Variants in SHB observed in about 807,000 individuals in gnomAD.
SHB encodes the protein SH2 domain-containing adapter protein B.
In SHB, 20 loss-of-function variants were observed where a neutral mutation model predicts 52.3. The ratio of observed to expected loss-of-function variants is 0.38; its 90% CI spans 0.27 to 0.56. The LOEUF (loss-of-function observed/expected upper bound fraction) is 0.56, where lower values mean the gene tolerates loss of function less well. Ranked by LOEUF, SHB falls within the 20% of genes least tolerant of loss-of-function variation. The probability of loss-of-function intolerance (pLI) is 0.71; values close to 1 mark genes in which losing one functional copy is unlikely to be tolerated. For missense variants in SHB, 825 were observed against 723.3 expected (o/e 1.14, Z -1.61); for synonymous variants, 397 against 316.5 (o/e 1.25, Z -2.70).
At chr9:37,991,002 T>A (rs1334262014) in intron 2 of SHB, among the ~76,000 whole-genome samples, 1 of 152,214 alleles carries the variant, frequency 6.6e-6, no homozygotes, top group Admixed American at 6.5e-5. Context: ...GGAGGGAGAT[T>A]TCACTTTTTA....
chr9:37,979,781 A>C (rs1820701504), intron 2 of SHB, among the ~76,000 whole-genome samples: 1 of 152,110 alleles, frequency 6.6e-6, no homozygotes. Context: ...ACATGGTGAA[A>C]CCCCATCTCT....
At chr9:38,003,391 C>T (rs1821042382) in intron 2 of SHB, among the ~76,000 whole-genome samples, 1 of 152,040 alleles carries the variant, frequency 6.6e-6, no homozygotes, top group Non-Finnish European at 1.5e-5. Context: ...ACCCTTCCCA[C>T]CCAGTCCTAA....
Position 37,982,085 on chromosome 9 carries a change from T to C in SHB, c.839-7248A>G, listed in dbSNP as rs140954244. ...ACTTGAAGGAAGGTTGCCACAAACC[T>C]TCATTTTGTAAAAAAAAAAAAAATG... On this transcript the variant is annotated intron_variant, in intron 2 of 5. Coordinates refer to ENST00000377707, the MANE Select transcript of SHB (RefSeq NM_003028.3). 6.0e-4 allele frequency among the ~76,000 whole-genome samples: 90 copies of C among 151,056 alleles called. 1 individual carries two copies. The highest frequency in any genetic ancestry group is 2.0e-3 in the African/African-American group (84 of 41,306).
chr9:38,055,226 T>A (rs1437394976), intron 1 of SHB, among the ~76,000 whole-genome samples: 1 of 152,208 alleles, frequency 6.6e-6, no homozygotes, highest in Non-Finnish European at 1.5e-5. Context: ...AAATCTGCAT[T>A]TTTCCTGGAT....
At chr9:38,034,198 G>A (rs189129889) in intron 1 of SHB, among the ~76,000 whole-genome samples, 1 of 152,172 alleles carries the variant, frequency 6.6e-6, no homozygotes, top group Non-Finnish European at 1.5e-5. Flanking sequence ...AAAACCAACT[G>A]CAGGTAGACA....
Position 38,063,592 on chromosome 9 carries a change from C to T in SHB, c.717+4337G>A, listed in dbSNP as rs144201471. ...CTTTGGCTTCCCAGCCAAGTTCAGGCCCTCCCAACCCTGTGCACACACTTC... is the reference window on the plus strand; with the variant it reads ...CTTTGGCTTCCCAGCCAAGTTCAGGTCCTCCCAACCCTGTGCACACACTTC... On this transcript the variant is annotated intron_variant, in intron 1 of 5. Transcript: ENST00000377707. 1.4e-3 allele frequency among the ~76,000 whole-genome samples: 218 copies of T among 152,364 alleles called. 1 individual carries two copies. Among genetic ancestry groups the T allele is most frequent in the African/African-American group, 2.9e-3 (120 of 41,598 alleles).
intron 5 of SHB, among the ~76,000 whole-genome samples, chr9:37,921,276 A>T (rs1016262535): frequency 2.0e-5 from 3 of 152,124 alleles, no homozygotes; most frequent in Non-Finnish European, 4.4e-5. Flanking sequence ...CTCCAAGCAG[A>T]CTTGAAGGTT....
In SHB at chr9:37,990,670, G is replaced by A. The variant is rs537614328; in HGVS notation, c.839-15833C>T. On this transcript the variant is annotated intron_variant, in intron 2 of 5. Transcript: ENST00000377707. ...TCCACTTTTAGAAACCTACTCTACA[G>A]AAATATCCAGACCCACAGGCAGAAA... 4.6e-5 allele frequency among the ~76,000 whole-genome samples: 7 copies of A among 152,296 alleles called. No homozygotes were observed. The South Asian group carries it at 1.4e-3, about 32-fold the overall frequency.
At chr9:37,985,728 A>C (rs1406956386) in intron 2 of SHB, among the ~76,000 whole-genome samples, 2 of 152,230 alleles carry the variant, frequency 1.3e-5, no homozygotes, top group African/African-American at 4.8e-5. Flanking sequence ...ACTATGTGCC[A>C]CATTAGACCT....
chr9:37,958,544 G>C (rs2117922003), intron 3 of SHB, among the ~76,000 whole-genome samples: 1 of 152,338 alleles, frequency 6.6e-6, no homozygotes, highest in African/African-American at 2.4e-5. Context: ...GCAGAGTGAG[G>C]ACTCGCTGGG....
Position 38,067,918 on chromosome 9 carries a change from GGGCA to G in SHB, c.717+7_717+10del, listed in dbSNP as rs1821991693. The G allele has an allele frequency of 6.7e-7, 1 of 1,495,996 alleles. No individual in the cohort carries two copies. The highest frequency in any genetic ancestry group is 8.8e-7 in the Non-Finnish European group (1 of 1,133,558). 92.7% of individuals were successfully genotyped at this position (1,495,996 alleles called of 1,614,324 possible). A position where few individuals can be genotyped will look rare whatever the true frequency, so the allele number is the denominator to read the frequency against. On this transcript the variant is annotated splice_region_variant and intron_variant, in intron 1 of 5. Transcript: ENST00000377707. ...TCTGGAACCTCGGGAAGAGGCCAAGGGGCACCTTACCTTGTCCTTCTTGCCGGCC... is the reference window on the plus strand; with the variant it reads ...TCTGGAACCTCGGGAAGAGGCCAAGGCCTTACCTTGTCCTTCTTGCCGGCC...
At chr9:38,032,808 T>C (rs1388857322) in intron 1 of SHB, among the ~76,000 whole-genome samples, 1 of 152,204 alleles carries the variant, frequency 6.6e-6, no homozygotes, top group Non-Finnish European at 1.5e-5. Flanking sequence ...TGTTTTGAAG[T>C]TGTCCCCATG....
intron 1 of SHB, among the ~76,000 whole-genome samples, chr9:38,019,989 T>C (rs1257050035): frequency 2.0e-5 from 3 of 152,182 alleles, no homozygotes; most frequent in African/African-American, 4.8e-5. Context: ...GAATGATAAC[T>C]ACAACATCAT....
At chr9:38,047,302 T>C (rs1029646762) in intron 1 of SHB, among the ~76,000 whole-genome samples, 4 of 152,226 alleles carry the variant, frequency 2.6e-5, no homozygotes, top group African/African-American at 7.2e-5. Flanking sequence ...CAGCAGAGTA[T>C]AGCATACAGT....
At chr9:37,992,867 G>GCA (rs1278535986) in intron 2 of SHB, among the ~76,000 whole-genome samples, 1 of 130,310 alleles carries the variant, frequency 7.7e-6, no homozygotes, top group Non-Finnish European at 1.8e-5. Context: ...GTATATGCAT[G>GCA]CACACACACA....
Position 38,039,178 on chromosome 9 carries a change from G to A in SHB, c.718-23047C>T, listed in dbSNP as rs567763061. 2.0e-5 allele frequency among the ~76,000 whole-genome samples: 3 copies of A among 152,320 alleles called. No individual in the cohort carries two copies. In the South Asian group the frequency reaches 6.2e-4, roughly 32 times the overall value. On this transcript the variant is annotated intron_variant, in intron 1 of 5. Coordinates refer to ENST00000377707, the MANE Select transcript of SHB (RefSeq NM_003028.3). ...AAGCATCCTTAAGATAAAGTGCCCT[G>A]TCAGATACTGCTGTCAGGCGTTAAG...
intron 2 of SHB, among the ~76,000 whole-genome samples, chr9:37,989,992 T>C (rs188849579): frequency 1.0e-3 from 154 of 152,328 alleles, no homozygotes; most frequent in African/African-American, 3.3e-3. Flanking sequence ...AACATTTTTG[T>C]GCTGGAAGAA....
chr9:38,028,723 C>A (rs1478481651), intron 1 of SHB, among the ~76,000 whole-genome samples: 2 of 152,248 alleles, frequency 1.3e-5, no homozygotes, highest in Non-Finnish European at 2.9e-5. Flanking sequence ...AAAATCCTTT[C>A]TGGCATCTCA....
At chr9:37,956,583 C>T (rs1042191495) in intron 3 of SHB, among the ~76,000 whole-genome samples, 1 of 152,174 alleles carries the variant, frequency 6.6e-6, no homozygotes, top group Non-Finnish European at 1.5e-5. Context: ...GGCCCAGGAC[C>T]CAGCGCCCAG....
Sources: allele counts gnomAD v4.1 joint callset (sites outside exome capture counted in the v4.1 genomes callset), GRCh38; gene constraint gnomAD v4.1.1; transcripts MANE v1.5; gene names NCBI Gene and HGNC (gene_info 2026-07-23, HGNC 2026-07-21).